The following AKT2 variants were observed in gnomAD, a reference collection of about 807,000 sequenced individuals.
AKT2 encodes RAC-beta serine/threonine-protein kinase.
A neutral mutation model predicts 58.6 loss-of-function variants in AKT2; 16 were observed. The ratio of observed to expected loss-of-function variants is 0.27; its 90% confidence interval spans 0.18 to 0.41. The LOEUF is 0.41. Ranked by LOEUF, AKT2 falls within the 10% of genes least tolerant of loss-of-function variation. The pLI is 1.00. For synonymous variants in AKT2, 253 were observed against 254.0 expected (o/e 1.00, Z 0.04); for missense variants, 438 against 661.0 (o/e 0.66, Z 3.70).
intron 2 of AKT2, among the ~76,000 whole-genome samples, chr19:40,257,562 A>G (rs1459000364): frequency 2.0e-5 from 3 of 149,272 alleles, no homozygotes; most frequent in Non-Finnish European, 3.0e-5. Flanking sequence ...TTCACCATGA[A>G]TATCCAAGCA....
chr19:40,248,736 AGAGGAGTGCAGGAGATGAGGACAGG>A (rs1568538310), intron 4 of AKT2, among the ~76,000 whole-genome samples: 1 of 144,398 alleles, frequency 6.9e-6, no homozygotes, highest in Non-Finnish European at 1.5e-5. Context: ...ATGAGGACAG[AGAGGAGTGCAGGAGATGAGGACAGG>A]GAGGAGTGGA....
chr19:40,251,919 C>T (rs546081634), intron 4 of AKT2, among the ~76,000 whole-genome samples: 2 of 152,288 alleles, frequency 1.3e-5, no homozygotes, highest in East Asian at 3.9e-4. Context: ...ACGGTGAATG[C>T]GGGACTGCAG....
In AKT2 at chr19:40,235,550, C is replaced by A; in HGVS notation, c.1176-200G>T. The A allele has an allele frequency of 1.5e-6, 1 of 656,268 alleles. No homozygotes were observed. Among genetic ancestry groups the A allele is most frequent in the South Asian group, 1.7e-5 (1 of 57,734 alleles). The allele number at this position is 656,268 out of a possible 1,614,324, so 40.7% of individuals were successfully genotyped here. A position where few individuals can be genotyped will look rare whatever the true frequency, so the allele number is the denominator to read the frequency against. On this transcript the variant is annotated intron_variant, in intron 11 of 13. Transcript: ENST00000392038. The surrounding 1 kb of genome is among the most constrained non-coding windows in gnomAD (Gnocchi z 6.3). ...CCAGGGAGTCAGCAACCCGGACCCA[C>A]GTGTCCTCACTGCCTGGCCTTACCC...
At chr19:40,276,933 G>T (rs2077337486) in intron 1 of AKT2, among the ~76,000 whole-genome samples, 1 of 152,194 alleles carries the variant, frequency 6.6e-6, no homozygotes, top group Non-Finnish European at 1.5e-5. Context: ...TGAGGTGGGA[G>T]GACCACTTGA....
intron 1 of AKT2, 40 bp downstream of exon 1, chr19:40,285,141 C>T (rs1330932875): frequency 2.3e-5 from 9 of 392,330 alleles, no homozygotes; most frequent in Non-Finnish European, 4.1e-5. Flanking sequence ...ACGCGACCAT[C>T]GTGGGGGGGG....
intron 1 of AKT2, among the ~76,000 whole-genome samples, chr19:40,273,796 GGCTCCAT>G (rs1483896412): frequency 6.6e-6 from 1 of 152,064 alleles, no homozygotes; most frequent in Non-Finnish European, 1.5e-5. Context: ...ACACTCTGAG[GGCTCCAT>G]GCTGCAACCA....
At chr19:40,274,721 G>A (rs1428784411) in intron 1 of AKT2, 3 of 280,206 alleles carry the variant, frequency 1.1e-5, no homozygotes, top group East Asian at 1.7e-4. Context: ...TGCAGGCAGG[G>A]GAGGAGCAGG....
intron 1 of AKT2, among the ~76,000 whole-genome samples, chr19:40,276,800 G>C (rs73044521): frequency 1.3e-5 from 2 of 152,230 alleles, no homozygotes; most frequent in Non-Finnish European, 2.9e-5. Context: ...TGGATCACTG[G>C]AGCCCAAAAG....
At position 40,255,223 on chromosome 19, in the gene AKT2, G is replaced by T; in HGVS notation, c.222C>A (p.Val74=). Residue 74 remains valine (V), a synonymous_variant, in exon 4 of 14, where the codon GTC becomes GTA. Transcript: ENST00000392038. ...KTERPRPNTF[V]IRCLQWTTVI... The stretch of plus-strand genomic sequence containing the variant: ...CTGTGGTCCACTGCAGGCAGCGTAT[G>T]ACAAAGGTGTTGGGTCGCGGCCTCT... 1 of 1,614,154 alleles carries T rather than the reference G, an allele frequency of 6.2e-7. No individual in the cohort carries two copies. The highest frequency in any genetic ancestry group is 1.1e-5 in the South Asian group (1 of 91,080).
rs1568522518 is a variant in AKT2 at position 40,238,018 on chromosome 19, G to GA, written c.781dup (p.Ser261PhefsTer4). Reference sequence around the variant, plus strand: ...CCGCGAGTGCAAGTACTCAAGAGCCGAGACAATCTCTGCACCATAAAACCG... The same window carrying GA: ...CCGCGAGTGCAAGTACTCAAGAGCCGAAGACAATCTCTGCACCATAAAACCG... On this transcript the variant is annotated frameshift_variant, in exon 9 of 14. Transcript: ENST00000392038. LOFTEE classifies it high-confidence loss of function. This position sits in a 1 kb window ranked among gnomAD's most constrained non-coding sequence, Gnocchi z 5.1. The GA allele has an allele frequency of 2.5e-6, 4 of 1,612,922 alleles. No homozygotes were observed. Among genetic ancestry groups the GA allele is most frequent in the Non-Finnish European group, 3.4e-6 (4 of 1,179,574 alleles).
At chr19:40,259,146 T>TG (rs1284018489) in intron 2 of AKT2, among the ~76,000 whole-genome samples, 1 of 152,130 alleles carries the variant, frequency 6.6e-6, no homozygotes, top group Admixed American at 6.5e-5. Flanking sequence ...GATCATTCAA[T>TG]GGGGAAAGAA....
At position 40,241,950 on chromosome 19, in the gene AKT2, G is replaced by T; in HGVS notation, c.561C>A (p.Val187=). 6.2e-7 allele frequency: 1 copy of T among 1,614,108 alleles called. No homozygotes were observed. Among genetic ancestry groups the T allele is most frequent in the Non-Finnish European group, 8.5e-7 (1 of 1,180,044 alleles). ...CCGGGGCACGCACCTTGGCAATGATGACTTCCTTCCGCAGGATCTTCATGG... is the reference window on the plus strand; with the variant it reads ...CCGGGGCACGCACCTTGGCAATGATTACTTCCTTCCGCAGGATCTTCATGG... ...YYAMKILRKE[V]IIAKDEVAHT... Residue 187 remains valine (V), a synonymous_variant, in exon 6 of 14, where the codon GTC becomes GTA. Coordinates refer to ENST00000392038, the MANE Select transcript of AKT2 (RefSeq NM_001626.6).
intron 1 of AKT2, among the ~76,000 whole-genome samples, chr19:40,266,881 G>A (rs1003136704): frequency 3.3e-5 from 5 of 152,138 alleles, no homozygotes; most frequent in East Asian, 1.9e-4. Context: ...AGGATCACTC[G>A]AGCCTGGGAG....
rs908489075 is a variant in AKT2 at position 40,242,593 on chromosome 19, T to G, written c.382A>C (p.Ser128Arg). Reference protein sequence around the residue: ...DPMDYKCGSPSDSSTTEEMEV... With the variant: ...DPMDYKCGSPRDSSTTEEMEV... ...ATCTCCTCAGTCGTGGAGGAGTCAC[T>G]GGGGGAGCCACACTTGTAGTCCATG... The change falls in exon 5 of 14, where the codon AGT becomes CGT. Residue 128 changes from serine (S) to arginine (R), a missense_variant. Coordinates refer to ENST00000392038, the MANE Select transcript of AKT2 (RefSeq NM_001626.6). This position sits in a 1 kb window ranked among gnomAD's most constrained non-coding sequence, Gnocchi z 4.3. 6 of 1,613,850 alleles carry G rather than the reference T, an allele frequency of 3.7e-6. No individual in the cohort carries two copies. Among genetic ancestry groups the G allele is most frequent in the Non-Finnish European group, 5.1e-6 (6 of 1,180,002 alleles).
chr19:40,267,076 C>A (rs1976413326), intron 1 of AKT2, among the ~76,000 whole-genome samples: 1 of 152,234 alleles, frequency 6.6e-6, no homozygotes, highest in South Asian at 2.1e-4. Context: ...CAGGTCTGCC[C>A]CCATCTGCCC....
At chr19:40,246,110 C>T (rs964904665) in intron 4 of AKT2, among the ~76,000 whole-genome samples, 2 of 145,290 alleles carry the variant, frequency 1.4e-5, no homozygotes, top group Middle Eastern at 3.6e-3. Context: ...AAAAAAAAAG[C>T]AGGGGCCGGG....
intron 1 of AKT2, among the ~76,000 whole-genome samples, chr19:40,281,005 C>T (rs1489035622): frequency 2.0e-5 from 3 of 152,228 alleles, no homozygotes; most frequent in Admixed American, 6.5e-5. Context: ...CTGGCACATA[C>T]GAGGTGTTCA....
chr19:40,232,525 A>G lies in AKT2; in HGVS notation c.*1347T>C. ...ACAGGAGATGGGATAGGGAGAGCAA[A>G]CCCACAAAAGCTAAACTCCAAACAC... On this transcript the variant is annotated 3_prime_UTR_variant, in exon 14 of 14. Transcript: ENST00000392038. The G allele has an allele frequency of 4.3e-6, 1 of 232,754 alleles. No individual in the cohort carries two copies. Among genetic ancestry groups the G allele is most frequent in the Non-Finnish European group, 8.5e-6 (1 of 117,910 alleles). 14.4% of individuals were successfully genotyped at this position (232,754 alleles called of 1,614,324 possible).
chr19:40,236,136 C>T lies in AKT2; in HGVS notation c.961-32G>A, dbSNP rs764772624. Reference sequence around the variant, plus strand: ...ATGGAGGAGAAATGAGGGCTGGGCCCGTGGCCCTGAGGCTGGCATCACAGT... The same window carrying T: ...ATGGAGGAGAAATGAGGGCTGGGCCTGTGGCCCTGAGGCTGGCATCACAGT... On this transcript the variant is annotated intron_variant, in intron 10 of 13. Coordinates refer to ENST00000392038, the MANE Select transcript of AKT2 (RefSeq NM_001626.6). 80 of 1,613,490 alleles carry T rather than the reference C, an allele frequency of 5.0e-5. No individual in the cohort carries two copies. In the East Asian group the frequency reaches 8.7e-4, roughly 18 times the overall value.
Sources: allele counts gnomAD v4.1 joint callset (sites outside exome capture counted in the v4.1 genomes callset), GRCh38; gene constraint gnomAD v4.1.1; non-coding constraint Gnocchi (gnomAD v3.1); transcripts MANE v1.5; gene names NCBI Gene and HGNC (gene_info 2026-07-23, HGNC 2026-07-21).